Variants in STUM observed in about 807,000 individuals in gnomAD.
STUM encodes protein stum homolog.
In STUM, 8 loss-of-function variants were observed where a neutral mutation model predicts 15.3. That is an observed-to-expected ratio of 0.52 (90% confidence interval 0.31 to 0.94). The LOEUF is 0.94. Among genes scored for constraint, STUM ranks in the 40% least tolerant of loss-of-function variants. The pLI is 0.05. For missense variants in STUM, 142 were observed against 204.9 expected (o/e 0.69, Z 1.87); for synonymous variants, 78 against 88.7 (o/e 0.88, Z 0.68).
At chr1:226,595,549 C>T (rs1217669907) in intron 1 of STUM, among the ~76,000 whole-genome samples, 1 of 152,236 alleles carries the variant, frequency 6.6e-6, no homozygotes, top group Non-Finnish European at 1.5e-5. Flanking sequence ...AAGATGTCCA[C>T]ATCCATATCC....
At position 226,549,476 on chromosome 1, in the gene STUM, A is replaced by G. The variant is rs1258301936; in HGVS notation, c.202+370A>G. On this transcript the variant is annotated intron_variant, in intron 1 of 3. Transcript: ENST00000366788. This position sits in a 1 kb window ranked among gnomAD's most constrained non-coding sequence, Gnocchi z 6.8. ...GTCGTGTGCATCCGTCCGCGAGCCCACTTCCCCGAGAGGAATGGGGTCGGA... is the reference window on the plus strand; with the variant it reads ...GTCGTGTGCATCCGTCCGCGAGCCCGCTTCCCCGAGAGGAATGGGGTCGGA... Among the ~76,000 whole-genome samples the G allele has an allele frequency of 1.3e-5, 2 of 152,040 alleles. No individual in the cohort carries two copies. The highest frequency in any genetic ancestry group is 4.8e-5 in the African/African-American group (2 of 41,402).
intron 1 of STUM, among the ~76,000 whole-genome samples, chr1:226,561,019 G>GTCTA (rs1667533238): frequency 6.6e-6 from 1 of 152,082 alleles, no homozygotes; most frequent in African/African-American, 2.4e-5. Flanking sequence ...CATCATCACT[G>GTCTA]TCTAACTCCT....
intron 1 of STUM, among the ~76,000 whole-genome samples, chr1:226,582,039 CACTT>C: frequency 6.6e-6 from 1 of 152,240 alleles, no homozygotes. Context: ...AGCTCTCCCT[CACTT>C]AGTCACCCTG....
chr1:226,587,904 G>A (rs771245322), intron 1 of STUM, among the ~76,000 whole-genome samples: 1 of 152,280 alleles, frequency 6.6e-6, no homozygotes, highest in Non-Finnish European at 1.5e-5. Context: ...TTACTGCATT[G>A]TGATGGGATC....
chr1:226,590,570 C>T (rs575713616), intron 1 of STUM, among the ~76,000 whole-genome samples: 2 of 152,300 alleles, frequency 1.3e-5, no homozygotes, highest in East Asian at 1.9e-4. Context: ...TTCATGCCCT[C>T]CTGGGGTGAC....
chr1:226,587,797 A>C (rs1305998933), intron 1 of STUM, among the ~76,000 whole-genome samples: 1 of 152,184 alleles, frequency 6.6e-6, no homozygotes, highest in Non-Finnish European at 1.5e-5. Context: ...ATGCATGGAA[A>C]GATTTAAGCC....
At chr1:226,561,286 G>A (rs1281277375) in intron 1 of STUM, among the ~76,000 whole-genome samples, 1 of 152,132 alleles carries the variant, frequency 6.6e-6, no homozygotes, top group African/African-American at 2.4e-5. Context: ...CTGAAGTGAA[G>A]GTATGTTTGC....
chr1:226,595,321 T>A (rs1668160839), intron 1 of STUM, among the ~76,000 whole-genome samples: 2 of 152,146 alleles, frequency 1.3e-5, no homozygotes, highest in Admixed American at 1.3e-4. Context: ...ACCAATTGGA[T>A]GGCGCCCACC....
In STUM at chr1:226,608,946, C is replaced by T. The variant is rs1668407199; in HGVS notation, c.*6906C>T. 6.6e-6 allele frequency: 1 copy of T among 152,240 alleles called. No individual in the cohort carries two copies. Among genetic ancestry groups the T allele is most frequent in the Non-Finnish European group, 1.5e-5 (1 of 68,062 alleles). 9.4% of individuals were successfully genotyped at this position (152,240 alleles called of 1,614,324 possible). A position where few individuals can be genotyped will look rare whatever the true frequency, so the allele number is the denominator to read the frequency against. On this transcript the variant is annotated 3_prime_UTR_variant, in exon 4 of 4. Transcript: ENST00000366788. The surrounding 1 kb of genome is among the most constrained non-coding windows in gnomAD (Gnocchi z 4.0). Reference sequence around the variant, plus strand: ...GGGCCAAGCAGGGTTCCAGATTCTCCAGCCTTCTGCCAGCTTTAAAACCCT... The same window carrying T: ...GGGCCAAGCAGGGTTCCAGATTCTCTAGCCTTCTGCCAGCTTTAAAACCCT...
chr1:226,571,739 A>C (rs963050500), intron 1 of STUM, among the ~76,000 whole-genome samples: 1 of 151,896 alleles, frequency 6.6e-6, no homozygotes. Flanking sequence ...TGCAGGGTTC[A>C]AGGGATTCTC....
At chr1:226,575,925 A>C (rs1009362109) in intron 1 of STUM, among the ~76,000 whole-genome samples, 4 of 152,190 alleles carry the variant, frequency 2.6e-5, no homozygotes, top group Admixed American at 2.0e-4. Flanking sequence ...TGCCCTCCTC[A>C]TCTCAGGGGC....
chr1:226,551,442 T>A lies in STUM; in HGVS notation c.202+2336T>A, dbSNP rs577234120. Among the ~76,000 whole-genome samples the A allele has an allele frequency of 5.9e-5, 9 of 152,200 alleles. No individual in the cohort carries two copies. The South Asian group carries it at 6.2e-4, about 11-fold the overall frequency. On this transcript the variant is annotated intron_variant, in intron 1 of 3. Transcript: ENST00000366788. ...GCTCCCCTCTCCACCTGCAGTGGAG[T>A]CCCAGGCAACAAAGCAGCTCAGACC...
intron 1 of STUM, among the ~76,000 whole-genome samples, chr1:226,584,146 G>A (rs1291936203): frequency 6.6e-6 from 1 of 152,214 alleles, no homozygotes; most frequent in Non-Finnish European, 1.5e-5. Flanking sequence ...CTCGATGGTT[G>A]AGGACTGGAA....
At chr1:226,577,768 T>A (rs1460868129) in intron 1 of STUM, among the ~76,000 whole-genome samples, 1 of 152,138 alleles carries the variant, frequency 6.6e-6, no homozygotes, top group Non-Finnish European at 1.5e-5. Flanking sequence ...ACTCAGGGGC[T>A]GTCCTGCAGT....
At chr1:226,553,948 T>C (rs1043339807) in intron 1 of STUM, among the ~76,000 whole-genome samples, 3 of 152,176 alleles carry the variant, frequency 2.0e-5, no homozygotes, top group Non-Finnish European at 2.9e-5. Flanking sequence ...GATTAAATTA[T>C]TGTTCCCAAT....
intron 1 of STUM, among the ~76,000 whole-genome samples, chr1:226,583,781 G>A (rs12748055): frequency 0.014 from 2,165 of 152,280 alleles, 23 homozygotes; most frequent in Middle Eastern, 0.037. Context: ...GTCCTGGCTT[G>A]GTGAGGCAGG....
In STUM at chr1:226,608,156, G is replaced by C. The variant is rs969917905; in HGVS notation, c.*6116G>C. On this transcript the variant is annotated 3_prime_UTR_variant, in exon 4 of 4. Coordinates refer to ENST00000366788, the MANE Select transcript of STUM (RefSeq NM_001003665.4). This position sits in a 1 kb window ranked among gnomAD's most constrained non-coding sequence, Gnocchi z 4.0. Reference sequence around the variant, plus strand: ...GCCCATTCCCCACAACCCCAGCTTGGCCTCCTGTGGGAAGGAGAAGGCAGA... The same window carrying C: ...GCCCATTCCCCACAACCCCAGCTTGCCCTCCTGTGGGAAGGAGAAGGCAGA... 2 of 152,372 alleles carry C rather than the reference G, an allele frequency of 1.3e-5. No individual in the cohort carries two copies. The highest frequency in any genetic ancestry group is 4.8e-5 in the African/African-American group (2 of 41,466). 9.4% of individuals were successfully genotyped at this position (152,372 alleles called of 1,614,324 possible).
intron 1 of STUM, among the ~76,000 whole-genome samples, chr1:226,568,003 G>A (rs1219229494): frequency 6.6e-6 from 1 of 152,190 alleles, no homozygotes; most frequent in Non-Finnish European, 1.5e-5. Flanking sequence ...AGACACCCGG[G>A]AGAGGTCATG....
chr1:226,577,315 G>C (rs1207557880), intron 1 of STUM, among the ~76,000 whole-genome samples: 1 of 151,996 alleles, frequency 6.6e-6, no homozygotes, highest in Admixed American at 6.5e-5. Flanking sequence ...CATGATTCTA[G>C]TAAATAGGAA....
Sources: gnomAD v4.1 joint callset for allele counts (sites outside exome capture counted in the v4.1 genomes callset) on GRCh38, gnomAD v4.1.1 for gene constraint, Gnocchi (gnomAD v3.1) non-coding constraint, MANE v1.5 for transcripts, NCBI Gene and HGNC (gene_info 2026-07-23, HGNC 2026-07-21) for gene names.